The following SLCO5A1 variants were observed in gnomAD, a reference collection of about 807,000 sequenced individuals.
SLCO5A1 encodes the protein solute carrier organic anion transporter family member 5A1, also known as organic anion transporter polypeptide-related protein 4.
SLCO5A1 carries 39 observed loss-of-function variants against 65.1 expected under a neutral mutation model. The ratio of observed to expected loss-of-function variants is 0.60; its 90% CI spans 0.46 to 0.78. The LOEUF (loss-of-function observed/expected upper bound fraction) is 0.78, where lower values mean the gene tolerates loss of function less well. SLCO5A1 is among the 30% of genes least tolerant of loss of function. The pLI, the probability that SLCO5A1 is intolerant of heterozygous loss-of-function variation, is 0.00. For missense variants in SLCO5A1, 1,029 were observed against 1,069.4 expected (o/e 0.96, Z 0.53); for synonymous variants, 438 against 415.7 (o/e 1.05, Z -0.65).
chr8:69,820,001 G>C (rs7820604), intron 2 of SLCO5A1, among the ~76,000 whole-genome samples: 79,140 of 151,992 alleles, frequency 0.52, 20,794 homozygotes, highest in African/African-American at 0.59. Context: ...TATTTTCTGC[G>C]TACTAGGGCA....
In SLCO5A1 at chr8:69,671,877, T is replaced by C. The variant is rs1487049174; in HGVS notation, c.*992A>G. The stretch of plus-strand genomic sequence containing the variant: ...ATTTTCAGGAGCAACCACAGCAATT[T>C]TCTGTCCAGAAAAAAAGAAAACCAC... On this transcript the variant is annotated 3_prime_UTR_variant, in exon 10 of 10. Coordinates refer to ENST00000260126, the MANE Select transcript of SLCO5A1 (RefSeq NM_030958.3). The C allele has an allele frequency of 2.0e-5, 3 of 152,186 alleles. No homozygotes were observed. The highest frequency in any genetic ancestry group is 2.0e-4 in the Admixed American group (3 of 15,286). 9.4% of individuals were successfully genotyped at this position (152,186 alleles called of 1,614,324 possible). A position where few individuals can be genotyped will look rare whatever the true frequency, so the allele number is the denominator to read the frequency against.
chr8:69,816,295 A>C (rs925450259), intron 2 of SLCO5A1, among the ~76,000 whole-genome samples: 1 of 152,180 alleles, frequency 6.6e-6, no homozygotes, highest in African/African-American at 2.4e-5. Context: ...TACTCTAGAC[A>C]TTGCCAAATG....
intron 2 of SLCO5A1, among the ~76,000 whole-genome samples, chr8:69,776,496 C>T (rs898175407): frequency 1.3e-5 from 2 of 152,062 alleles, no homozygotes; most frequent in Non-Finnish European, 2.9e-5. Context: ...TCAGGACCAG[C>T]CTGGGCAACA....
intron 2 of SLCO5A1, among the ~76,000 whole-genome samples, chr8:69,831,115 T>G (rs1821130632): frequency 2.6e-5 from 4 of 151,974 alleles, no homozygotes. Context: ...TCTACAAAAA[T>G]TAGCCAGGCA....
At position 69,832,131 on chromosome 8, in the gene SLCO5A1, C is replaced by G. The variant is rs780066093; in HGVS notation, c.543G>C (p.Val181=). The G allele has an allele frequency of 6.2e-7, 1 of 1,614,186 alleles. No individual in the cohort carries two copies. The highest frequency in any genetic ancestry group is 1.1e-5 in the South Asian group (1 of 91,080). The change falls in exon 2 of 10, where the codon GTG becomes GTC. Residue 181 remains valine, a synonymous_variant. Transcript: ENST00000260126. The surrounding 1 kb of genome is among the most constrained non-coding windows in gnomAD (Gnocchi z 4.5). ...CGCCGAAGTAGCTGACGAACACCACCACCACCAGGTTCCCGATGTCAAAGC... is the reference window on the plus strand; with the variant it reads ...CGCCGAAGTAGCTGACGAACACCACGACCACCAGGTTCCCGATGTCAAAGC... ...VSCFDIGNLV[V]VVFVSYFGGR...
At chr8:69,775,946 C>A (rs144210997) in intron 2 of SLCO5A1, among the ~76,000 whole-genome samples, 1 of 152,048 alleles carries the variant, frequency 6.6e-6, no homozygotes, top group Non-Finnish European at 1.5e-5. Context: ...GCCCAGCAGA[C>A]TAGGCTGCAG....
intron 2 of SLCO5A1, among the ~76,000 whole-genome samples, chr8:69,785,036 GAA>G (rs1253398587): frequency 3.3e-5 from 5 of 150,028 alleles, no homozygotes; most frequent in Middle Eastern, 3.4e-3. Context: ...GAAGGAAGGG[GAA>G]AGAGAGAGAG....
In SLCO5A1 at chr8:69,832,067, G is replaced by T. The variant is rs1159409264; in HGVS notation, c.607C>A (p.Leu203Ile). Residue 203 changes from leucine (L) to isoleucine (I), a missense_variant, in exon 2 of 10, where the codon CTC (leucine) becomes ATC (isoleucine). By Grantham distance (5) the Leu-to-Ile change is conservative (BLOSUM62 2). Transcript: ENST00000260126. This position sits in a 1 kb window ranked among gnomAD's most constrained non-coding sequence, Gnocchi z 4.5. ...RRPLWLAVGG[L>I]LIAFGAALFA... ...AGGGCTGCCCCGAAGGCGATGAGGA[G>T]TCCACCCACGGCCAGCCACAGGGGC... 1 of 1,613,278 alleles carries T rather than the reference G, an allele frequency of 6.2e-7. No homozygotes were observed.
rs1355613769 is a variant in SLCO5A1 at position 69,777,453 on chromosome 8, G to A, written c.908-15578C>T. Among the ~76,000 whole-genome samples, 8 of 146,700 alleles carry A rather than the reference G, an allele frequency of 5.5e-5. No individual in the cohort carries two copies. The Admixed American group carries it at 5.6e-4, about 10-fold the overall frequency. On this transcript the variant is annotated intron_variant, in intron 2 of 9. Transcript: ENST00000260126. ...GCCCAAAACCACTCTTGGCAATGTT[G>A]GATCTGGATCTGTTTGCCATCTTGA...
At chr8:69,769,591 T>C (rs919783709) in intron 2 of SLCO5A1, among the ~76,000 whole-genome samples, 4 of 152,252 alleles carry the variant, frequency 2.6e-5, no homozygotes, top group Non-Finnish European at 5.9e-5. Context: ...ATAACTATTA[T>C]TACATATTAA....
chr8:69,681,036 C>A (rs893378040), intron 7 of SLCO5A1, among the ~76,000 whole-genome samples: 2 of 152,178 alleles, frequency 1.3e-5, no homozygotes, highest in Non-Finnish European at 2.9e-5. Flanking sequence ...GAAAGGACTT[C>A]GCCACCAAGA....
At chr8:69,674,714 C>A (rs1318111094) in intron 9 of SLCO5A1, among the ~76,000 whole-genome samples, 1 of 151,884 alleles carries the variant, frequency 6.6e-6, no homozygotes, top group African/African-American at 2.4e-5. Flanking sequence ...AGGGGCAAAG[C>A]AAAAAGAAGA....
At chr8:69,688,573 G>A (rs1814101446) in intron 6 of SLCO5A1, among the ~76,000 whole-genome samples, 1 of 140,660 alleles carries the variant, frequency 7.1e-6, no homozygotes, top group Non-Finnish European at 1.6e-5. Context: ...ATCTATGAGT[G>A]AGAACATGCG....
chr8:69,725,165 A>G (rs565723975), intron 5 of SLCO5A1, among the ~76,000 whole-genome samples: 12 of 152,274 alleles, frequency 7.9e-5, no homozygotes, highest in Non-Finnish European at 1.6e-4. Flanking sequence ...TAGTTGACTC[A>G]CTCAAGGCTA....
chr8:69,738,271 T>C, intron 4 of SLCO5A1, 67 bp from the exon 5 acceptor site: 1 of 1,437,710 alleles, frequency 7.0e-7, no homozygotes, highest in Non-Finnish European at 9.3e-7. Flanking sequence ...TAAAACTGAA[T>C]TGTTTTTGAA....
intron 2 of SLCO5A1, among the ~76,000 whole-genome samples, chr8:69,795,343 C>A (rs976436760): frequency 1.3e-5 from 2 of 152,140 alleles, no homozygotes; most frequent in African/African-American, 4.8e-5. Context: ...ACTTCCAAGA[C>A]ACAATAGGGT....
intron 5 of SLCO5A1, among the ~76,000 whole-genome samples, chr8:69,726,507 T>C (rs1239648930): frequency 1.3e-5 from 2 of 148,758 alleles, no homozygotes; most frequent in Admixed American, 6.6e-5. Context: ...TTTTTTTTTT[T>C]TTTTTTTGGG....
chr8:69,774,084 C>T (rs1818459579), intron 2 of SLCO5A1, among the ~76,000 whole-genome samples: 1 of 152,242 alleles, frequency 6.6e-6, no homozygotes, highest in Non-Finnish European at 1.5e-5. Context: ...CTCACTGATG[C>T]ATTATCAGTG....
At chr8:69,767,889 C>CAAAAAAAA (rs746004982) in intron 2 of SLCO5A1, among the ~76,000 whole-genome samples, 4 of 35,000 alleles carry the variant, frequency 1.1e-4, no homozygotes, top group Non-Finnish European at 1.6e-4. Flanking sequence ...GACTCCATCT[C>CAAAAAAAA]AAAAAAAAAA....
Sources: allele counts gnomAD v4.1 joint callset (sites outside exome capture counted in the v4.1 genomes callset), GRCh38; gene constraint gnomAD v4.1.1; non-coding constraint Gnocchi (gnomAD v3.1); transcripts MANE v1.5; gene names NCBI Gene and HGNC (gene_info 2026-07-23, HGNC 2026-07-21).